Variants in DCC observed in about 807,000 individuals in gnomAD.
DCC encodes DCC netrin 1 receptor, also known as netrin receptor DCC.
DCC carries 58 observed loss-of-function variants against 172.5 expected under a neutral mutation model. The ratio of observed to expected loss-of-function variants is 0.34; its 90% confidence interval spans 0.27 to 0.42. The LOEUF is 0.42. Among genes scored for constraint, DCC ranks in the 10% least tolerant of loss-of-function variants. The pLI is 1.00. For missense variants in DCC, 1,740 were observed against 1,791.0 expected, an observed-to-expected ratio of 0.97 and a Z score of 0.51; for synonymous variants, 709 against 644.5, an observed-to-expected ratio of 1.10 and a Z score of -1.52.
At chr18:52,657,924 G>A (rs184539082) in intron 1 of DCC, among the ~76,000 whole-genome samples, 12 of 152,178 alleles carry the variant, frequency 7.9e-5, no homozygotes, top group East Asian at 3.9e-4. Context: ...CAGATGAACC[G>A]CGTTAATCAC....
intron 1 of DCC, among the ~76,000 whole-genome samples, chr18:52,426,364 G>T (rs1329031635): frequency 6.9e-6 from 1 of 145,818 alleles, no homozygotes. Context: ...TACCCCATTT[G>T]ACATCTTTGA....
intron 2 of DCC, among the ~76,000 whole-genome samples, chr18:52,890,393 C>T (rs1192101661): frequency 2.0e-5 from 3 of 151,964 alleles, no homozygotes; most frequent in African/African-American, 7.2e-5. Context: ...GGGGATAGAA[C>T]ATATGGTTAC....
At chr18:53,481,415 G>A (rs538173269) in intron 25 of DCC, among the ~76,000 whole-genome samples, 2 of 152,268 alleles carry the variant, frequency 1.3e-5, no homozygotes, top group South Asian at 2.1e-4. Context: ...TTTTCCAAAA[G>A]CGACCCTCTA....
intron 12 of DCC, among the ~76,000 whole-genome samples, chr18:53,256,484 T>G (rs62097974): frequency 0.29 from 44,263 of 150,340 alleles, 8,456 homozygotes; most frequent in Non-Finnish European, 0.44. Context: ...TTTCCTGATT[T>G]CTTGTTTTTG....
rs182459169 is a variant in DCC at position 53,362,731 on chromosome 18, T to A, written c.2359+22824T>A. Among the ~76,000 whole-genome samples, 14 of 152,270 alleles carry A rather than the reference T, an allele frequency of 9.2e-5. 1 individual carries two copies. The East Asian group carries it at 2.7e-3, about 29-fold the overall frequency. ...AGACTATACTTTTGTTTTCTGTGAG[T>A]TATATTTTATTATTAGACATTGAGG... On this transcript the variant is annotated intron_variant, in intron 15 of 28. Coordinates refer to ENST00000442544, the MANE Select transcript of DCC (RefSeq NM_005215.4).
intron 2 of DCC, among the ~76,000 whole-genome samples, chr18:52,780,437 G>A (rs967720460): frequency 1.3e-5 from 2 of 152,110 alleles, no homozygotes; most frequent in Non-Finnish European, 2.9e-5. Flanking sequence ...CCTCATCATA[G>A]CAAGGGTCAT....
intron 5 of DCC, among the ~76,000 whole-genome samples, chr18:52,931,169 A>T (rs549593147): frequency 6.6e-6 from 1 of 152,186 alleles, no homozygotes; most frequent in East Asian, 1.9e-4. Flanking sequence ...AAAAATGAAT[A>T]TTTGTATAAT....
intron 2 of DCC, among the ~76,000 whole-genome samples, chr18:52,874,060 G>T (rs896030088): frequency 6.6e-6 from 1 of 152,012 alleles, no homozygotes; most frequent in African/African-American, 2.4e-5. Context: ...TTCATCCTTT[G>T]TTAGATAAAA....
intron 24 of DCC, among the ~76,000 whole-genome samples, chr18:53,462,003 C>G (rs2045565166): frequency 6.6e-6 from 1 of 152,164 alleles, no homozygotes; most frequent in South Asian, 2.1e-4. Flanking sequence ...TTCCCCTTCT[C>G]TCCACTTTTC....
At chr18:53,150,834 T>TA (rs1462628451) in intron 7 of DCC, among the ~76,000 whole-genome samples, 2 of 152,186 alleles carry the variant, frequency 1.3e-5, no homozygotes, top group Non-Finnish European at 2.9e-5. Context: ...GTTCTGAAAG[T>TA]AAAGTCTCTG....
At chr18:52,582,351 A>G (rs574306974) in intron 1 of DCC, among the ~76,000 whole-genome samples, 1 of 152,108 alleles carries the variant, frequency 6.6e-6, no homozygotes, top group Non-Finnish European at 1.5e-5. Context: ...GGCACGCACA[A>G]TTTCTCTCAT....
At chr18:53,314,869 G>T (rs1313479937) in intron 13 of DCC, among the ~76,000 whole-genome samples, 1 of 152,108 alleles carries the variant, frequency 6.6e-6, no homozygotes, top group Non-Finnish European at 1.5e-5. Flanking sequence ...ACTGTATATG[G>T]TTGGAAGGGA....
intron 1 of DCC, among the ~76,000 whole-genome samples, chr18:52,360,975 T>C (rs2144269318): frequency 6.6e-6 from 1 of 152,328 alleles, no homozygotes; most frequent in Admixed American, 6.5e-5. Context: ...ACTTACAGTT[T>C]AAAACTCATC....
intron 1 of DCC, among the ~76,000 whole-genome samples, chr18:52,562,694 A>T (rs2144742783): frequency 6.6e-6 from 1 of 152,272 alleles, no homozygotes; most frequent in African/African-American, 2.4e-5. Context: ...AGAGTTGAAT[A>T]TTGTCAGTTG....
Position 53,344,886 on chromosome 18 carries a change from GA to G in DCC, c.2359+4993del, listed in dbSNP as rs201958177. 1.7e-3 allele frequency among the ~76,000 whole-genome samples: 229 copies of G among 132,576 alleles called. 3 individuals are homozygous for G. Among genetic ancestry groups the G allele is most frequent in the Middle Eastern group, 4.1e-3 (1 of 246 alleles). 87.0% of individuals were successfully genotyped at this position (132,576 alleles called of 152,430 possible). ...GGTGACAGAGCAAGACTCTGTCTTG[GA>G]AAAAAAAAAAAAAGGAAAGAAAAGA... is the stretch of plus-strand genomic sequence containing the variant. On this transcript the variant is annotated intron_variant, in intron 15 of 28. Coordinates refer to ENST00000442544, the MANE Select transcript of DCC (RefSeq NM_005215.4).
At chr18:53,261,394 G>T (rs1168028676) in intron 12 of DCC, among the ~76,000 whole-genome samples, 1 of 152,162 alleles carries the variant, frequency 6.6e-6, no homozygotes, top group East Asian at 1.9e-4. Context: ...ACTAGCATCA[G>T]GGGAGAGAAA....
chr18:52,750,930 G>A (rs1378654108), intron 1 of DCC, among the ~76,000 whole-genome samples: 1 of 152,110 alleles, frequency 6.6e-6, no homozygotes, highest in Non-Finnish European at 1.5e-5. Flanking sequence ...ACATAATTTA[G>A]GTGGTATTTT....
intron 28 of DCC, chr18:53,530,299 G>C: frequency 1.4e-6 from 1 of 702,372 alleles, no homozygotes; most frequent in Non-Finnish European, 2.6e-6. Flanking sequence ...GGGAGAACTT[G>C]ATTTGAAACC....
At chr18:52,857,766 G>C (rs16955743) in intron 2 of DCC, among the ~76,000 whole-genome samples, 2,901 of 152,210 alleles carry the variant, frequency 0.019, 76 homozygotes, top group African/African-American at 0.063. Context: ...GAATAGTCAA[G>C]TTTTCTCTTG....
Sources: allele counts gnomAD v4.1 joint callset (sites outside exome capture counted in the v4.1 genomes callset), GRCh38; gene constraint gnomAD v4.1.1; transcripts MANE v1.5; gene names NCBI Gene and HGNC (gene_info 2026-07-23, HGNC 2026-07-21).